Variants in SLC39A12 observed in about 807,000 individuals in gnomAD.
The protein encoded by SLC39A12 is solute carrier family 39 member 12.
A neutral mutation model predicts 71.1 loss-of-function variants in SLC39A12; 63 were observed. The observed-to-expected ratio is 0.89, with a 90% CI of 0.72 to 1.09. The LOEUF (loss-of-function observed/expected upper bound fraction) is 1.09, where lower values mean the gene tolerates loss of function less well. Among genes scored for constraint, SLC39A12 ranks in the 50% least tolerant of loss-of-function variants. SLC39A12 has a pLI of 0.00. For missense variants in SLC39A12, 892 were observed against 812.6 expected (o/e 1.10, Z -1.19); for synonymous variants, 351 against 301.3 (o/e 1.16, Z -1.71).
At chr10:18,033,118 G>T (rs1386713822) in intron 12 of SLC39A12, among the ~76,000 whole-genome samples, 2 of 141,510 alleles carry the variant, frequency 1.4e-5, no homozygotes, top group Admixed American at 7.2e-5. Flanking sequence ...TCTCTTTTTT[G>T]GTTGTGTCTC....
rs1461663195 is a variant in SLC39A12, at chr10:18,042,949, T to C, written c.*116T>C. The C allele has an allele frequency of 2.6e-6, 2 of 759,096 alleles. No homozygotes were observed. Among genetic ancestry groups the C allele is most frequent in the Non-Finnish European group, 3.8e-6 (2 of 532,244 alleles). 47.0% of individuals were successfully genotyped at this position (759,096 alleles called of 1,614,324 possible). Reference sequence around the variant, plus strand: ...TTTTTTATCTTAGGCAAAGTGTGTCTCTTTCAATTCATTAACTTATTAATT... The same window carrying C: ...TTTTTTATCTTAGGCAAAGTGTGTCCCTTTCAATTCATTAACTTATTAATT... On this transcript the variant is annotated 3_prime_UTR_variant, in exon 13 of 13. Transcript: ENST00000377369.
At chr10:18,018,978 T>C (rs974007603) in intron 12 of SLC39A12, among the ~76,000 whole-genome samples, 1 of 152,170 alleles carries the variant, frequency 6.6e-6, no homozygotes, top group Non-Finnish European at 1.5e-5. Context: ...AATTTTTTCC[T>C]AAAGTGTTTG....
At chr10:18,012,677 G>C (rs1292707091) in intron 12 of SLC39A12, among the ~76,000 whole-genome samples, 1 of 152,086 alleles carries the variant, frequency 6.6e-6, no homozygotes, top group Non-Finnish European at 1.5e-5. Flanking sequence ...GACCGTCCTG[G>C]CCAACACGGT....
chr10:17,982,826 G>A (rs1333778858), intron 6 of SLC39A12, among the ~76,000 whole-genome samples: 1 of 152,032 alleles, frequency 6.6e-6, no homozygotes, highest in Non-Finnish European at 1.5e-5. Context: ...GTCTCCTCTC[G>A]AATGAACTTC....
At chr10:18,036,748 A>ATT (rs1837038207) in intron 12 of SLC39A12, among the ~76,000 whole-genome samples, 1 of 8,760 alleles carries the variant, frequency 1.1e-4, no homozygotes, top group Non-Finnish European at 2.1e-4. Context: ...TTTAAAAATT[A>ATT]TATATATATA....
At chr10:17,962,149 C>T (rs562394019) in intron 3 of SLC39A12, among the ~76,000 whole-genome samples, 1 of 152,316 alleles carries the variant, frequency 6.6e-6, no homozygotes, top group South Asian at 2.1e-4. Context: ...GCACTCAAAT[C>T]AGTATGACCC....
intron 3 of SLC39A12, among the ~76,000 whole-genome samples, chr10:17,964,393 C>A (rs1834770294): frequency 6.6e-6 from 1 of 152,178 alleles, no homozygotes; most frequent in African/African-American, 2.4e-5. Flanking sequence ...GTTCAATGGG[C>A]ACTTTTTCTC....
intron 2 of SLC39A12, among the ~76,000 whole-genome samples, chr10:17,956,213 C>A (rs782310743): frequency 2.0e-5 from 3 of 152,024 alleles, no homozygotes; most frequent in African/African-American, 7.3e-5. Context: ...CACATATGCC[C>A]TCAGGGATCA....
chr10:18,037,284 G>T (rs1164997881), intron 12 of SLC39A12, among the ~76,000 whole-genome samples: 1 of 152,146 alleles, frequency 6.6e-6, no homozygotes, highest in African/African-American at 2.4e-5. Context: ...TTTTCATGAA[G>T]TGCAGTGACA....
chr10:18,037,176 C>T (rs537231065), intron 12 of SLC39A12, among the ~76,000 whole-genome samples: 1 of 152,054 alleles, frequency 6.6e-6, no homozygotes, highest in South Asian at 2.1e-4. Flanking sequence ...TATCTTTTGC[C>T]TGATTTTCTG....
intron 4 of SLC39A12, among the ~76,000 whole-genome samples, chr10:17,966,280 C>A (rs931843611): frequency 3.3e-5 from 5 of 152,242 alleles, no homozygotes; most frequent in African/African-American, 1.2e-4. Context: ...TCTTAACATA[C>A]TCACCAAAAT....
chr10:17,967,380 T>A (rs1203421267), intron 4 of SLC39A12, among the ~76,000 whole-genome samples: 5 of 152,214 alleles, frequency 3.3e-5, no homozygotes, highest in African/African-American at 1.2e-4. Context: ...TGATTAATTA[T>A]TTAGGGCTTA....
chr10:18,029,169 C>T (rs1211841642), intron 12 of SLC39A12, among the ~76,000 whole-genome samples: 1 of 152,112 alleles, frequency 6.6e-6, no homozygotes, highest in South Asian at 2.1e-4. Context: ...CCGTGCCCAG[C>T]CCAAAACATT....
At chr10:18,042,504 C>A (rs1022959106) in intron 12 of SLC39A12, among the ~76,000 whole-genome samples, 1 of 149,804 alleles carries the variant, frequency 6.7e-6, no homozygotes, top group African/African-American at 2.5e-5. Context: ...ATCCTGGGAT[C>A]CTCATAACCA....
intron 12 of SLC39A12, among the ~76,000 whole-genome samples, chr10:18,022,041 C>T (rs939179662): frequency 1.3e-5 from 2 of 152,092 alleles, no homozygotes; most frequent in Non-Finnish European, 2.9e-5. Flanking sequence ...TCTCTAGCTG[C>T]CTTTAATATG....
At chr10:17,990,827 C>A (rs11011929) in intron 7 of SLC39A12, among the ~76,000 whole-genome samples, 1 of 152,046 alleles carries the variant, frequency 6.6e-6, no homozygotes, top group African/African-American at 2.4e-5. Flanking sequence ...ACAATTTGGC[C>A]GAAGGACTGA....
In SLC39A12 at chr10:17,965,376, T is replaced by G; in HGVS notation, c.544-107T>G. 6.4e-6 allele frequency: 6 copies of G among 932,522 alleles called. No individual in the cohort carries two copies. The South Asian group carries it at 1.0e-4, about 15-fold the overall frequency. 57.8% of individuals were successfully genotyped at this position (932,522 alleles called of 1,614,324 possible). A position where few individuals can be genotyped will look rare whatever the true frequency, so the allele number is the denominator to read the frequency against. On this transcript the variant is annotated intron_variant, in intron 3 of 12. Transcript: ENST00000377369. ...ATATTCCTCAAATGATTCAATTTTC[T>G]TTTAGAAAAACAATTCCTTATCCCT...
chr10:18,028,733 T>C (rs557054973), intron 12 of SLC39A12, among the ~76,000 whole-genome samples: 25 of 152,330 alleles, frequency 1.6e-4, no homozygotes, highest in Non-Finnish European at 2.9e-4. Context: ...CTTTTCTTTT[T>C]TTTTGAGATG....
intron 12 of SLC39A12, among the ~76,000 whole-genome samples, chr10:18,037,104 T>C (rs981313882): frequency 6.6e-6 from 1 of 152,004 alleles, no homozygotes; most frequent in Non-Finnish European, 1.5e-5. Flanking sequence ...TGCTATAGAT[T>C]ATACCTCTTT....
Sources: allele counts gnomAD v4.1 joint callset (sites outside exome capture counted in the v4.1 genomes callset), GRCh38; gene constraint gnomAD v4.1.1; transcripts MANE v1.5; gene names NCBI Gene and HGNC (gene_info 2026-07-23, HGNC 2026-07-21).